The following ZNF536 variants were observed in gnomAD, a reference collection of about 807,000 sequenced individuals.
ZNF536 encodes the protein zinc finger protein 536.
ZNF536 carries 13 observed loss-of-function variants against 84.5 expected under a neutral mutation model. The observed-to-expected ratio is 0.15, with a 90% CI of 0.10 to 0.24. The LOEUF (loss-of-function observed/expected upper bound fraction) is 0.24, where lower values mean the gene tolerates loss of function less well. Among genes scored for constraint, ZNF536 ranks in the 10% least tolerant of loss-of-function variants. The probability of loss-of-function intolerance (pLI) is 1.00; values close to 1 mark genes in which losing one functional copy is unlikely to be tolerated. For missense variants in ZNF536, 1,536 were observed against 1,747.5 expected (o/e 0.88, Z 2.16); for synonymous variants, 811 against 742.5 (o/e 1.09, Z -1.50).
intron 2 of ZNF536, among the ~76,000 whole-genome samples, chr19:30,455,722 A>G (rs2148360402): frequency 6.6e-6 from 1 of 152,322 alleles, no homozygotes; most frequent in South Asian, 2.1e-4. Context: ...TCTTTTCTCT[A>G]TTCTAGAAAC....
At chr19:30,238,000 A>G (rs1307120673) in intron 1 of ZNF536, among the ~76,000 whole-genome samples, 1 of 152,212 alleles carries the variant, frequency 6.6e-6, no homozygotes, top group Non-Finnish European at 1.5e-5. Context: ...TAAGCAGCGC[A>G]TTTTGATCTT....
At chr19:30,541,238 G>A (rs2045318352) in intron 3 of ZNF536, among the ~76,000 whole-genome samples, 2 of 152,126 alleles carry the variant, frequency 1.3e-5, no homozygotes, top group Admixed American at 1.3e-4. Flanking sequence ...TTCTATGTAA[G>A]GTATCTAGGC....
At chr19:30,231,883 T>C (rs2023080109) in intron 1 of ZNF536, among the ~76,000 whole-genome samples, 1 of 152,124 alleles carries the variant, frequency 6.6e-6, no homozygotes, top group South Asian at 2.1e-4. Context: ...TCTGAGATGA[T>C]TTCCTTTTCA....
chr19:30,425,020 G>A (rs1317218757), intron 1 of ZNF536, among the ~76,000 whole-genome samples: 1 of 152,048 alleles, frequency 6.6e-6, no homozygotes, highest in Non-Finnish European at 1.5e-5. Context: ...AAATGAGTTT[G>A]GTAGAAGAAA....
intron 2 of ZNF536, among the ~76,000 whole-genome samples, chr19:30,349,804 G>A (rs892295373): frequency 6.6e-6 from 1 of 151,842 alleles, no homozygotes; most frequent in African/African-American, 2.4e-5. Context: ...TTTCTTTTCT[G>A]GTTTATTTGT....
intron 1 of ZNF536, among the ~76,000 whole-genome samples, chr19:30,566,682 C>G (rs2046359575): frequency 6.6e-6 from 1 of 150,828 alleles, no homozygotes; most frequent in South Asian, 2.1e-4. Flanking sequence ...GTGGAAGTCC[C>G]TGTATGTGGC....
intron 1 of ZNF536, among the ~76,000 whole-genome samples, chr19:30,646,311 C>A (rs1345530718): frequency 6.6e-6 from 1 of 152,160 alleles, no homozygotes; most frequent in Non-Finnish European, 1.5e-5. Context: ...TCATTTCCAC[C>A]TAAGCACAGT....
At chr19:30,640,107 C>A (rs1003924057) in intron 1 of ZNF536, among the ~76,000 whole-genome samples, 12 of 151,990 alleles carry the variant, frequency 7.9e-5, no homozygotes, top group African/African-American at 2.9e-4. Context: ...ATTAGCTGGG[C>A]GTGGTGGCAC....
chr19:30,537,801 A>C (rs1224158713), intron 3 of ZNF536, among the ~76,000 whole-genome samples: 1 of 152,220 alleles, frequency 6.6e-6, no homozygotes, highest in Non-Finnish European at 1.5e-5. Flanking sequence ...GGACAGAGGC[A>C]TTCTGGAAAC....
At chr19:30,552,405 C>T (rs1345378384) in intron 4 of ZNF536, among the ~76,000 whole-genome samples, 1 of 152,126 alleles carries the variant, frequency 6.6e-6, no homozygotes, top group African/African-American at 2.4e-5. Context: ...AGCTAATGTT[C>T]CCATGTTTCT....
rs1036347987 is a variant in ZNF536, at chr19:30,391,014, A to C, written c.-3+18458A>C. 3.9e-5 allele frequency among the ~76,000 whole-genome samples: 6 copies of C among 152,328 alleles called. No individual in the cohort carries two copies. The East Asian group carries it at 1.2e-3, about 29-fold the overall frequency. On this transcript the variant is annotated intron_variant, in intron 1 of 4. Coordinates refer to ENST00000355537, the MANE Select transcript of ZNF536 (RefSeq NM_014717.3). ...ATTAATATTTATTCACTAGGGACCA[A>C]GTTTTGCCTGCAGAAGCCCATGCTG...
intron 1 of ZNF536, among the ~76,000 whole-genome samples, chr19:30,608,512 C>A (rs2047975998): frequency 6.6e-6 from 1 of 152,132 alleles, no homozygotes; most frequent in Non-Finnish European, 1.5e-5. Context: ...CTAATCCTAC[C>A]TGAAGGTTTT....
chr19:30,261,620 G>A (rs2025225060), intron 1 of ZNF536, among the ~76,000 whole-genome samples: 1 of 146,328 alleles, frequency 6.8e-6, no homozygotes, highest in African/African-American at 2.5e-5. Flanking sequence ...GGTCATTTGA[G>A]CCCAAGAGTT....
In ZNF536 at chr19:30,530,331, T is replaced by TTTGTTGTTGTTGTTG. The variant is rs140017176; in HGVS notation, c.2171-4501_2171-4487dup. On this transcript the variant is annotated intron_variant, in intron 2 of 4. Transcript: ENST00000355537. ...TTTGTAATACCTCTCTCTCTGTCTT[T>TTTGTTGTTGTTGTTG]TTGTTGTTGTTGTTGTTGTTGTTGT... Among the ~76,000 whole-genome samples, 1,044 of 151,418 alleles carry TTTGTTGTTGTTGTTG rather than the reference T, an allele frequency of 6.9e-3. 16 individuals are homozygous for TTTGTTGTTGTTGTTG. Among genetic ancestry groups the TTTGTTGTTGTTGTTG allele is most frequent in the African/African-American group, 0.024 (1,001 of 41,066 alleles).
At chr19:30,468,297 G>T (rs534488064) in intron 2 of ZNF536, among the ~76,000 whole-genome samples, 89 of 152,320 alleles carry the variant, frequency 5.8e-4, no homozygotes, top group African/African-American at 2.0e-3. Flanking sequence ...GGGCTGGGAA[G>T]ATGCTGTGAT....
At chr19:30,460,660 C>G (rs1426525159) in intron 2 of ZNF536, among the ~76,000 whole-genome samples, 1 of 152,158 alleles carries the variant, frequency 6.6e-6, no homozygotes, top group Admixed American at 6.5e-5. Context: ...ACATATCCTT[C>G]CATGTGGCCA....
At chr19:30,617,424 C>T (rs966937810) in intron 1 of ZNF536, among the ~76,000 whole-genome samples, 3 of 137,866 alleles carry the variant, frequency 2.2e-5, no homozygotes, top group African/African-American at 7.8e-5. Context: ...AATCTCGGCT[C>T]ACTGCAAGCT....
At chr19:30,386,182 C>G (rs1222506947) in intron 1 of ZNF536, among the ~76,000 whole-genome samples, 1 of 152,138 alleles carries the variant, frequency 6.6e-6, no homozygotes, top group Non-Finnish European at 1.5e-5. Flanking sequence ...TCTCCTTCAT[C>G]TCCACTCCAG....
intron 2 of ZNF536, among the ~76,000 whole-genome samples, chr19:30,515,132 C>T (rs111548399): frequency 0.032 from 4,839 of 152,188 alleles, 106 homozygotes; most frequent in South Asian, 0.1. Flanking sequence ...TGTGGTGACT[C>T]ACACCTGTAG....
Sources: gnomAD v4.1 joint callset for allele counts (sites outside exome capture counted in the v4.1 genomes callset) on GRCh38, gnomAD v4.1.1 for gene constraint, MANE v1.5 for transcripts, NCBI Gene and HGNC (gene_info 2026-07-23, HGNC 2026-07-21) for gene names.